DPYD: variants seen among roughly 807,000 people sequenced by gnomAD.
DPYD encodes dihydropyrimidine dehydrogenase [NADP(+)].
Under a neutral mutation model 116.2 loss-of-function variants are expected in DPYD, and 109 were observed. That is an observed-to-expected ratio of 0.94 (90% confidence interval 0.80 to 1.10). DPYD has a LOEUF of 1.10. Among genes scored for constraint, DPYD ranks in the 50% least tolerant of loss-of-function variants. The pLI, the probability that DPYD is intolerant of heterozygous loss-of-function variation, is 0.00. For synonymous variants in DPYD, 440 were observed against 432.0 expected (o/e 1.02, Z -0.23); for missense variants, 1,302 against 1,254.5 (o/e 1.04, Z -0.57).
At chr1:97,459,843 GATTATGTTTA>G (rs1394564182) in intron 13 of DPYD, among the ~76,000 whole-genome samples, 1 of 152,066 alleles carries the variant, frequency 6.6e-6, no homozygotes, top group Non-Finnish European at 1.5e-5. Context: ...ATAAAGGTGT[GATTATGTTTA>G]TATGAGGCAA....
chr1:97,312,183 C>T (rs187604748), intron 16 of DPYD, among the ~76,000 whole-genome samples: 6 of 151,572 alleles, frequency 4.0e-5, no homozygotes, highest in African/African-American at 4.8e-5. Flanking sequence ...GAAAAGACAT[C>T]GAATCTCGCT....
At chr1:97,565,111 T>A (rs900735902) in intron 11 of DPYD, among the ~76,000 whole-genome samples, 1 of 152,026 alleles carries the variant, frequency 6.6e-6, no homozygotes, top group African/African-American at 2.4e-5. Flanking sequence ...ATACTGAAAA[T>A]GTTACTGGGT....
intron 3 of DPYD, among the ~76,000 whole-genome samples, chr1:97,766,083 C>T (rs369721962): frequency 9.3e-4 from 141 of 151,980 alleles, no homozygotes; most frequent in African/African-American, 3.1e-3. Flanking sequence ...ACTAAAAAAA[C>T]ACAAAAAATT....
At chr1:97,580,903 C>G (rs1011627431) in intron 10 of DPYD, among the ~76,000 whole-genome samples, 1 of 152,126 alleles carries the variant, frequency 6.6e-6, no homozygotes, top group Non-Finnish European at 1.5e-5. Context: ...CTATTACTTC[C>G]TACCTCCGCA....
At chr1:97,278,474 A>C (rs1232934845) in intron 18 of DPYD, among the ~76,000 whole-genome samples, 7 of 152,186 alleles carry the variant, frequency 4.6e-5, no homozygotes, top group Non-Finnish European at 4.4e-5. Flanking sequence ...GCACATGACT[A>C]AGCTGTGATA....
chr1:97,349,099 C>T (rs1670001580), intron 16 of DPYD, among the ~76,000 whole-genome samples: 1 of 152,106 alleles, frequency 6.6e-6, no homozygotes, highest in South Asian at 2.1e-4. Flanking sequence ...GAATTTCAGC[C>T]AAGTTGCTCA....
intron 8 of DPYD, 88 bp from the exon 9 acceptor site, chr1:97,595,254 T>C (rs926114312): frequency 1.0e-5 from 10 of 971,614 alleles, no homozygotes; most frequent in Admixed American, 4.1e-5. Context: ...CTTTAATCTT[T>C]GAAATAATGT....
At chr1:97,323,385 C>A (rs531798467) in intron 16 of DPYD, among the ~76,000 whole-genome samples, 1 of 107,144 alleles carries the variant, frequency 9.3e-6, no homozygotes, top group Non-Finnish European at 2.2e-5. Context: ...TGTATATGTA[C>A]ACGTATGTAT....
chr1:97,150,525 C>G (rs550703791), intron 20 of DPYD, among the ~76,000 whole-genome samples: 2 of 152,312 alleles, frequency 1.3e-5, no homozygotes, highest in South Asian at 4.1e-4. Flanking sequence ...GCAACCAGAA[C>G]TATAATAAGC....
At chr1:97,389,564 T>G (rs1257900785) in intron 14 of DPYD, among the ~76,000 whole-genome samples, 2 of 152,024 alleles carry the variant, frequency 1.3e-5, no homozygotes, top group African/African-American at 4.8e-5. Context: ...CAAGATGCTT[T>G]TTAGTGCTTA....
intron 11 of DPYD, among the ~76,000 whole-genome samples, chr1:97,568,165 A>C (rs2102161712): frequency 6.6e-6 from 1 of 152,222 alleles, no homozygotes; most frequent in East Asian, 1.9e-4. Flanking sequence ...AAAATCATGA[A>C]TGTATGAGCA....
intron 14 of DPYD, among the ~76,000 whole-genome samples, chr1:97,405,526 G>T (rs1673607248): frequency 6.6e-6 from 1 of 151,466 alleles, no homozygotes; most frequent in African/African-American, 2.4e-5. Flanking sequence ...TCTTTTGTTT[G>T]TTTTTTTGAG....
chr1:97,868,757 T>C (rs1671517584), intron 2 of DPYD, among the ~76,000 whole-genome samples: 1 of 151,824 alleles, frequency 6.6e-6, no homozygotes, highest in South Asian at 2.1e-4. Flanking sequence ...GATTATATTA[T>C]ACCCTACTGC....
At chr1:97,173,671 GATGTTT>G (rs1193008921) in intron 20 of DPYD, among the ~76,000 whole-genome samples, 3 of 150,634 alleles carry the variant, frequency 2.0e-5, no homozygotes, top group Non-Finnish European at 4.4e-5. Flanking sequence ...TAAATGCATA[GATGTTT>G]ATTTAAATGA....
chr1:97,152,379 A>G (rs17116488), intron 20 of DPYD, among the ~76,000 whole-genome samples: 10,543 of 151,868 alleles, frequency 0.069, 624 homozygotes, highest in East Asian at 0.26. Context: ...CTAGGTGTAA[A>G]ATGCAAAGGT....
intron 11 of DPYD, among the ~76,000 whole-genome samples, chr1:97,557,772 C>T (rs556125355): frequency 6.6e-6 from 1 of 152,286 alleles, no homozygotes; most frequent in South Asian, 2.1e-4. Context: ...CCATTAACAT[C>T]ACTGTCAACT....
At chr1:97,317,640 C>A (rs1180974564) in intron 16 of DPYD, among the ~76,000 whole-genome samples, 1 of 151,952 alleles carries the variant, frequency 6.6e-6, no homozygotes, top group South Asian at 2.1e-4. Flanking sequence ...CAACCACAAG[C>A]ATAAAACCTC....
rs144030646 is a variant in DPYD, at chr1:97,151,696, A to T, written c.2622+41373T>A. 7.3e-3 allele frequency among the ~76,000 whole-genome samples: 1,110 copies of T among 152,202 alleles called. 17 individuals carry two copies. Among genetic ancestry groups the T allele is most frequent in the African/African-American group, 0.025 (1,040 of 41,558 alleles). ...GTCTCAAAAATAAAAAAATAAAAAAATAAAAAAATTAAAAAATGAAAGAAA... is the reference window on the plus strand; with the variant it reads ...GTCTCAAAAATAAAAAAATAAAAAATTAAAAAAATTAAAAAATGAAAGAAA... On this transcript the variant is annotated intron_variant, in intron 20 of 22. Transcript: ENST00000370192.
At chr1:97,749,122 T>C (rs1297167946) in intron 3 of DPYD, among the ~76,000 whole-genome samples, 2 of 152,212 alleles carry the variant, frequency 1.3e-5, no homozygotes, top group Non-Finnish European at 2.9e-5. Context: ...TTCTCAATTG[T>C]TATCTAATGA....
Sources: allele counts gnomAD v4.1 joint callset (sites outside exome capture counted in the v4.1 genomes callset), GRCh38; gene constraint gnomAD v4.1.1; transcripts MANE v1.5; gene names NCBI Gene and HGNC (gene_info 2026-07-23, HGNC 2026-07-21).